PRAMEF11: variants seen among roughly 807,000 people sequenced by gnomAD.
PRAMEF11 encodes PRAME family member 11.
Under a neutral mutation model 33.6 loss-of-function variants are expected in PRAMEF11, and 17 were observed. That is an observed-to-expected ratio of 0.51 (90% CI 0.35 to 0.76). PRAMEF11 has a LOEUF of 0.76. Among genes scored for constraint, PRAMEF11 ranks in the 30% least tolerant of loss-of-function variants. The pLI is 0.01. For synonymous variants in PRAMEF11, 205 were observed against 227.3 expected, an observed-to-expected ratio of 0.90 and a Z score of 0.88; for missense variants, 568 against 567.0, an observed-to-expected ratio of 1.00 and a Z score of -0.02.
At position 12,824,845 on chromosome 1, in the gene PRAMEF11, G is replaced by A; in HGVS notation, c.*97C>T. The A allele has an allele frequency of 3.9e-6, 6 of 1,534,514 alleles. No individual in the cohort carries two copies. Among genetic ancestry groups the A allele is most frequent in the Admixed American group, 1.9e-5 (1 of 52,434 alleles). ...TCAGAGCCCATGTGTGAAACGATGG[G>A]TTCTGTGCTCCCTTTAGGATGTACC... On this transcript the variant is annotated 3_prime_UTR_variant, in exon 4 of 4. Coordinates refer to ENST00000619922, the MANE Select transcript of PRAMEF11 (RefSeq NM_001146344.3).
chr1:12,826,750 G>GA (rs1639877531), intron 3 of PRAMEF11, among the ~76,000 whole-genome samples: 1 of 151,002 alleles, frequency 6.6e-6, no homozygotes, highest in Non-Finnish European at 1.5e-5. Context: ...TGATCAAAGT[G>GA]AAAATCCATC....
rs759061220 is a variant in PRAMEF11 at position 12,828,597 on chromosome 1, G to A, written c.193C>T (p.Arg65Cys). The A allele has an allele frequency of 2.2e-5, 36 of 1,605,100 alleles. 2 individuals are homozygous for A. The South Asian group carries it at 3.3e-4, about 15-fold the overall frequency. The change falls in exon 2 of 4, where the codon CGC (arginine) becomes TGC (cysteine). Residue 65 changes from arginine (R) to cysteine (C), a missense_variant. Coordinates refer to ENST00000619922, the MANE Select transcript of PRAMEF11 (RefSeq NM_001146344.3). ...TTTATCAGAGGCCTCAGAGGGAGGC[G>A]GCGGAAGGGCCAGGCCTGCACCATC... is the stretch of plus-strand genomic sequence containing the variant. ...KLMVQAWPFR[R>C]LPLRPLIKMP...
chr1:12,828,936 T>A (rs61777007), intron 1 of PRAMEF11, 131 bp from the exon 2 acceptor site: 8 of 1,287,954 alleles, frequency 6.2e-6, no homozygotes, highest in South Asian at 1.4e-5. Flanking sequence ...AATTCTACTC[T>A]GTACTCAGTG....
intron 3 of PRAMEF11, among the ~76,000 whole-genome samples, chr1:12,826,534 G>A (rs556164051): frequency 6.6e-6 from 1 of 150,966 alleles, no homozygotes; most frequent in Non-Finnish European, 1.5e-5. Context: ...GTCCAAGGTG[G>A]GTGGATCACC....
chr1:12,825,056 C>A lies in PRAMEF11; in HGVS notation c.1323G>T (p.Met441Ile). 5.6e-6 allele frequency: 9 copies of A among 1,609,822 alleles called. No individual in the cohort carries two copies. The highest frequency in any genetic ancestry group is 7.6e-6 in the Non-Finnish European group (9 of 1,177,746). ...GGTGCCTTAAGTGCCTCACTTTCTT[C>A]ATCAGCTCAGCCCTAATTTGAGCAA... ...SRFAQIRAEL[M>I]KKVRHLRHPK... is the part of the protein sequence containing the mutation. The change falls in exon 4 of 4, where the codon ATG (methionine) becomes ATT (isoleucine). Residue 441 changes from methionine (M) to isoleucine (I), a missense_variant. Coordinates refer to ENST00000619922, the MANE Select transcript of PRAMEF11 (RefSeq NM_001146344.3).
At chr1:12,827,999 T>C (rs1196140813) in intron 2 of PRAMEF11, among the ~76,000 whole-genome samples, 169 bp from the exon 3 acceptor site, 15 of 149,712 alleles carry the variant, frequency 1.0e-4, no homozygotes, top group African/African-American at 2.5e-4. Context: ...TTTTGTTTTT[T>C]TTTTGAGACC....
Position 12,830,354 on chromosome 1 carries a change from A to T in PRAMEF11, c.-17+1002T>A, listed in dbSNP as rs5016223. ...CCAGGCTAGAGTGCAGTGGTGTCATATCGGCTCACTGTTACCTCGGCCTCC... is the reference window on the plus strand; with the variant it reads ...CCAGGCTAGAGTGCAGTGGTGTCATTTCGGCTCACTGTTACCTCGGCCTCC... On this transcript the variant is annotated intron_variant, in intron 1 of 3. Transcript: ENST00000619922. Among the ~76,000 whole-genome samples, 64 of 151,146 alleles carry T rather than the reference A, an allele frequency of 4.2e-4. 3 individuals carry two copies. Among genetic ancestry groups the T allele is most frequent in the African/African-American group, 1.1e-3 (47 of 41,286 alleles).
At position 12,827,688 on chromosome 1, in the gene PRAMEF11, G is replaced by A. The variant is rs758927125; in HGVS notation, c.436C>T (p.Arg146Trp). 72 of 1,609,754 alleles carry A rather than the reference G, an allele frequency of 4.5e-5. 3 individuals are homozygous for A. Among genetic ancestry groups the A allele is most frequent in the East Asian group, 1.8e-4 (8 of 44,458 alleles). The change falls in exon 3 of 4, where the codon CGG becomes TGG. Residue 146 changes from arginine (R) to tryptophan (W), a missense_variant. Physicochemically the swap from Arg to Trp is moderately radical, Grantham distance 101. Coordinates refer to ENST00000619922, the MANE Select transcript of PRAMEF11 (RefSeq NM_001146344.3). The stretch of plus-strand genomic sequence containing the variant: ...TCTACAAACACAGTCAAGGGCTGCC[G>A]TCCTCTCATCCTTGGACAGTCCTGC... ...PVQDCPRMRG[R>W]QPLTVFVELW...
chr1:12,831,333 C>A (rs1397593157), intron 1 of PRAMEF11, 23 bp downstream of exon 1: 2 of 151,014 alleles, frequency 1.3e-5, no homozygotes, highest in African/African-American at 4.9e-5. Flanking sequence ...ATGGGAGTGT[C>A]CTTACAGAAA....
intron 1 of PRAMEF11, among the ~76,000 whole-genome samples, chr1:12,830,607 C>G (rs1327447709): frequency 6.6e-6 from 1 of 150,950 alleles, no homozygotes; most frequent in Non-Finnish European, 1.5e-5. Flanking sequence ...CAGCCTCAAT[C>G]TTCTGGGCTC....
At position 12,824,760 on chromosome 1, in the gene PRAMEF11, A is replaced by C; in HGVS notation, c.*182T>G. On this transcript the variant is annotated 3_prime_UTR_variant, in exon 4 of 4. Transcript: ENST00000619922. Reference sequence around the variant, plus strand: ...ATACAGGTTCCCAAAGTCCCATTGAATCCATGGCAACATTTCCCCCAAGTC... The same window carrying C: ...ATACAGGTTCCCAAAGTCCCATTGACTCCATGGCAACATTTCCCCCAAGTC... 1.0e-6 allele frequency: 1 copy of C among 971,948 alleles called. No homozygotes were observed. Among genetic ancestry groups the C allele is most frequent in the Non-Finnish European group, 1.5e-6 (1 of 665,824 alleles). 60.2% of individuals were successfully genotyped at this position (971,948 alleles called of 1,614,324 possible). A position where few individuals can be genotyped will look rare whatever the true frequency, so the allele number is the denominator to read the frequency against.
chr1:12,825,242 G>C lies in PRAMEF11; in HGVS notation c.1137C>G (p.Cys379Trp). ...AGAAGCTGAAGGTGTTGAGCTCAAA[G>C]CAGCGGCTCAGGGCAGGCAGGATGG... ...VNAILPALSRCFELNTFSFCG... is the reference protein window; with the variant it reads ...VNAILPALSRWFELNTFSFCG... The change falls in exon 4 of 4, where the codon TGC becomes TGG. Residue 379 changes from cysteine to tryptophan, a missense_variant. By Grantham distance (215) the Cys-to-Trp change is radical. Around this residue, in one of 3 missense-constraint regions of PRAMEF11, gnomAD observed 174 missense variants for 127.2 expected, o/e 1.37. Transcript: ENST00000619922. 6.2e-7 allele frequency: 1 copy of C among 1,606,812 alleles called. No individual in the cohort carries two copies. The highest frequency in any genetic ancestry group is 8.5e-7 in the Non-Finnish European group (1 of 1,177,382).
At chr1:12,831,202 A>C (rs1485031923) in intron 1 of PRAMEF11, among the ~76,000 whole-genome samples, 154 bp downstream of exon 1, 2 of 149,426 alleles carry the variant, frequency 1.3e-5, no homozygotes, top group Non-Finnish European at 3.0e-5. Context: ...ACAGAACTGC[A>C]TTTAGAGGAA....
chr1:12,827,627 A>T lies in PRAMEF11; in HGVS notation c.497T>A (p.Leu166His). The T allele has an allele frequency of 6.2e-7, 1 of 1,609,564 alleles. No homozygotes were observed. The highest frequency in any genetic ancestry group is 8.5e-7 in the Non-Finnish European group (1 of 1,177,646). Residue 166 changes from leucine to histidine, a missense_variant, in exon 3 of 4, where the codon CTC becomes CAC. By Grantham distance (99) the Leu-to-His change is moderately conservative. This residue lies in a region of PRAMEF11 where 342 missense variants were observed against 312.0 expected (regional missense o/e 1.10). Transcript: ENST00000619922. ...CTTGACCCATAGAAGGAGGCAGGTG[A>T]GGTATTCATCCAGAGTCCTGTTCTT... ...WLKNRTLDEY[L>H]TCLLLWVKQR...
chr1:12,827,046 C>G (rs1639883823), intron 3 of PRAMEF11, among the ~76,000 whole-genome samples: 2 of 151,200 alleles, frequency 1.3e-5, no homozygotes, highest in Non-Finnish European at 3.0e-5. Context: ...ATAGCATCTC[C>G]CCTGACTGAT....
chr1:12,829,292 T>C (rs958374143), intron 1 of PRAMEF11, among the ~76,000 whole-genome samples: 1 of 143,826 alleles, frequency 7.0e-6, no homozygotes, highest in Non-Finnish European at 1.5e-5. Context: ...CTTTTTTCCT[T>C]CTTTCCCTCT....
At position 12,827,249 on chromosome 1, in the gene PRAMEF11, C is replaced by T; in HGVS notation, c.875G>A (p.Ser292Asn). 1 of 1,596,180 alleles carries T rather than the reference C, an allele frequency of 6.3e-7. No individual in the cohort carries two copies. Among genetic ancestry groups the T allele is most frequent in the South Asian group, 1.1e-5 (1 of 90,502 alleles). ...GAGAAAGCTCACCACCCTCCCTCAC[C>T]TGAGCAGCTGGTCCAGGTGGCCTTC... ...FLEGHLDQLL[S>N]CLKTSLKVLT... The change falls in exon 3 of 4, where the codon AGC becomes AAC. Residue 292 changes from serine to asparagine, a missense_variant and splice_region_variant. Ser to Asn is a conservative substitution (Grantham distance 46). Around this residue, in one of 3 missense-constraint regions of PRAMEF11, gnomAD observed 52 missense variants for 127.8 expected, o/e 0.41. Coordinates refer to ENST00000619922, the MANE Select transcript of PRAMEF11 (RefSeq NM_001146344.3).
At position 12,828,641 on chromosome 1, in the gene PRAMEF11, C is replaced by T. The variant is rs773130613; in HGVS notation, c.149G>A (p.Arg50His). 78 of 1,610,284 alleles carry T rather than the reference C, an allele frequency of 4.8e-5. 2 individuals are homozygous for T. Among genetic ancestry groups the T allele is most frequent in the East Asian group, 4.5e-4 (20 of 44,430 alleles). ...CACCATCAGCTTCAGGGCCTCACAG[C>T]GTCTCCTGCTGAAGGCCTCCATGAA... The part of the protein sequence containing the change: ...PLFMEAFSRR[R>H]CEALKLMVQA... Residue 50 changes from arginine to histidine, a missense_variant, in exon 2 of 4, where the codon CGC becomes CAC. Physicochemically the swap from Arg to His is conservative, Grantham distance 29. Around this residue, in one of 3 missense-constraint regions of PRAMEF11, gnomAD observed 342 missense variants for 312.0 expected, o/e 1.10. Transcript: ENST00000619922.
At chr1:12,825,950 G>T (rs2100338768) in intron 3 of PRAMEF11, among the ~76,000 whole-genome samples, 1 of 148,454 alleles carries the variant, frequency 6.7e-6, no homozygotes, top group African/African-American at 2.5e-5. Flanking sequence ...CTCCAGCCTG[G>T]GTGACAGAGT....
Sources: allele counts gnomAD v4.1 joint callset (sites outside exome capture counted in the v4.1 genomes callset), GRCh38; gene constraint gnomAD v4.1.1; regional missense constraint gnomAD v4.1.1; transcripts MANE v1.5; gene names NCBI Gene and HGNC (gene_info 2026-07-23, HGNC 2026-07-21).